The following TMCO4 variants were observed in gnomAD, a reference collection of about 807,000 sequenced individuals.
The protein encoded by TMCO4 is transmembrane and coiled-coil domains 4, also known as transmembrane and coiled-coil domain-containing protein 4.
Under a neutral mutation model 64.7 loss-of-function variants are expected in TMCO4, and 58 were observed. That is an observed-to-expected ratio of 0.90 (90% CI 0.73 to 1.12). The LOEUF is 1.12. Ranked by LOEUF, TMCO4 falls within the 50% of genes most tolerant of loss-of-function variation. The pLI is 0.00. For synonymous variants in TMCO4, 325 were observed against 346.1 expected (o/e 0.94, Z 0.68); for missense variants, 780 against 825.9 (o/e 0.94, Z 0.68).
intron 13 of TMCO4, among the ~76,000 whole-genome samples, chr1:19,713,367 T>A (rs915447511): frequency 2.6e-5 from 4 of 152,062 alleles, no homozygotes; most frequent in African/African-American, 9.7e-5. Flanking sequence ...TAGTTCAGGA[T>A]GAATCTTTCT....
At chr1:19,771,527 A>C in intron 4 of TMCO4, 45 bp from the exon 5 acceptor site, 3 of 1,593,592 alleles carry the variant, frequency 1.9e-6, no homozygotes, top group Non-Finnish European at 1.7e-6. Context: ...CTCAGAGCTC[A>C]GCCTCCACTG....
At chr1:19,790,921 A>G (rs1461847216) in intron 2 of TMCO4, among the ~76,000 whole-genome samples, 1 of 152,216 alleles carries the variant, frequency 6.6e-6, no homozygotes, top group Non-Finnish European at 1.5e-5. Flanking sequence ...ATGCCCATTG[A>G]TGATAGATTG....
chr1:19,682,847 C>T lies in TMCO4; in HGVS notation c.*193G>A. Reference sequence around the variant, plus strand: ...GGCTCCTCTGGGGACAGGCAGCTTCCCAAGGGTGGGCGTGTTCTCTCCTCC... The same window carrying T: ...GGCTCCTCTGGGGACAGGCAGCTTCTCAAGGGTGGGCGTGTTCTCTCCTCC... On this transcript the variant is annotated 3_prime_UTR_variant, in exon 16 of 16. Coordinates refer to ENST00000294543, the MANE Select transcript of TMCO4 (RefSeq NM_181719.7). 2 of 851,338 alleles carry T rather than the reference C, an allele frequency of 2.3e-6. No individual in the cohort carries two copies. The highest frequency in any genetic ancestry group is 3.8e-6 in the Non-Finnish European group (2 of 528,568). 52.7% of individuals were successfully genotyped at this position (851,338 alleles called of 1,614,324 possible).
rs1292171930 is a variant in TMCO4 at position 19,771,401 on chromosome 1, A to C, written c.261T>G (p.Phe87Leu). 1 of 1,614,056 alleles carries C rather than the reference A, an allele frequency of 6.2e-7. No individual in the cohort carries two copies. The highest frequency in any genetic ancestry group is 1.7e-5 in the Admixed American group (1 of 60,000). Residue 87 changes from phenylalanine (F) to leucine (L), a missense_variant, in exon 5 of 16, where the codon TTT (phenylalanine) becomes TTG (leucine). Phe to Leu is a conservative substitution (Grantham distance 22). Transcript: ENST00000294543. ...CTCCTTCACCTCCCAGGCCGCTCGC[A>C]AAAGCAGTCATGGTTGGCAAGACAG... ...SEAVLPTMTA[F>L]ASGLGGEGAD... is the part of the protein sequence containing the mutation.
chr1:19,777,898 A>G (rs2043282410), intron 4 of TMCO4, among the ~76,000 whole-genome samples: 1 of 152,172 alleles, frequency 6.6e-6, no homozygotes, highest in Non-Finnish European at 1.5e-5. Context: ...TTAGCCAGGC[A>G]TGGTGGCATG....
chr1:19,702,127 AC>A (rs977301744), intron 13 of TMCO4, among the ~76,000 whole-genome samples: 4 of 151,898 alleles, frequency 2.6e-5, no homozygotes, highest in African/African-American at 9.7e-5. Context: ...CCGCCACCAC[AC>A]CCGGCTAATC....
At position 19,751,047 on chromosome 1, in the gene TMCO4, G is replaced by A. The variant is rs1299791307; in HGVS notation, c.516-3787C>T. On this transcript the variant is annotated intron_variant, in intron 7 of 15. Coordinates refer to ENST00000294543, the MANE Select transcript of TMCO4 (RefSeq NM_181719.7). Reference sequence around the variant, plus strand: ...TATCGTTAACAAGTTCCTCCTCCAGGGATTCTGCTGTAACTCAAGTTTGAA... The same window carrying A: ...TATCGTTAACAAGTTCCTCCTCCAGAGATTCTGCTGTAACTCAAGTTTGAA... 2.6e-5 allele frequency among the ~76,000 whole-genome samples: 4 copies of A among 152,272 alleles called. No homozygotes were observed. In the South Asian group the frequency reaches 8.3e-4, roughly 32 times the overall value.
intron 13 of TMCO4, among the ~76,000 whole-genome samples, chr1:19,718,040 A>C (rs1299074631): frequency 1.3e-5 from 2 of 152,162 alleles, no homozygotes; most frequent in African/African-American, 4.8e-5. Context: ...CATTTTCAAA[A>C]GTGGAAAATG....
intron 3 of TMCO4, among the ~76,000 whole-genome samples, chr1:19,781,273 C>A (rs1371100158): frequency 2.0e-5 from 3 of 151,632 alleles, no homozygotes; most frequent in African/African-American, 7.3e-5. Context: ...CCAGCCTGGG[C>A]AACATAGTGA....
rs1428328428 is a variant in TMCO4 at position 19,743,515 on chromosome 1, T to A, written c.877+2017A>T. ...TTCTCTAGCTTGGTTGTATTTCTTTTACCCAGCCCTTTCCCTGAGTGTCCC... is the reference window on the plus strand; with the variant it reads ...TTCTCTAGCTTGGTTGTATTTCTTTAACCCAGCCCTTTCCCTGAGTGTCCC... On this transcript the variant is annotated intron_variant, in intron 10 of 15. Transcript: ENST00000294543. The surrounding 1 kb of genome is among the most constrained non-coding windows in gnomAD (Gnocchi z 4.1). Among the ~76,000 whole-genome samples, 2 of 152,210 alleles carry A rather than the reference T, an allele frequency of 1.3e-5. No individual in the cohort carries two copies. The highest frequency in any genetic ancestry group is 2.9e-5 in the Non-Finnish European group (2 of 68,036).
chr1:19,777,448 A>G (rs1286769275), intron 4 of TMCO4, among the ~76,000 whole-genome samples: 3 of 151,784 alleles, frequency 2.0e-5, no homozygotes. Context: ...CCCAGGTTCA[A>G]GTGATTCTTG....
At chr1:19,694,789 T>C (rs930732152) in intron 14 of TMCO4, among the ~76,000 whole-genome samples, 1 of 152,208 alleles carries the variant, frequency 6.6e-6, no homozygotes, top group South Asian at 2.1e-4. Context: ...GGTAGCTCCA[T>C]GAAGGCGGCC....
intron 4 of TMCO4, among the ~76,000 whole-genome samples, chr1:19,774,985 A>G (rs1408243306): frequency 6.6e-6 from 1 of 152,148 alleles, no homozygotes; most frequent in East Asian, 1.9e-4. Flanking sequence ...CGGGCCACTC[A>G]CTGAGCAAGG....
chr1:19,781,772 G>C (rs186805733), intron 3 of TMCO4, among the ~76,000 whole-genome samples: 1 of 150,634 alleles, frequency 6.6e-6, no homozygotes, highest in Non-Finnish European at 1.5e-5. Flanking sequence ...TCAGCCTCCC[G>C]CGTAGCTGGG....
chr1:19,683,011 G>A lies in TMCO4; in HGVS notation c.*29C>T, dbSNP rs2100491597. ...AAGAGAGAGCTGCATATGGAGACTG[G>A]GGAAGACGGCTCAGGTCCCCTGCTG... On this transcript the variant is annotated 3_prime_UTR_variant, in exon 16 of 16. Coordinates refer to ENST00000294543, the MANE Select transcript of TMCO4 (RefSeq NM_181719.7). 6.5e-7 allele frequency: 1 copy of A among 1,533,446 alleles called. No individual in the cohort carries two copies. The highest frequency in any genetic ancestry group is 8.7e-7 in the Non-Finnish European group (1 of 1,144,234). 95.0% of individuals were successfully genotyped at this position (1,533,446 alleles called of 1,614,324 possible).
chr1:19,757,638 TG>T (rs1403260034), intron 6 of TMCO4, among the ~76,000 whole-genome samples: 1 of 152,158 alleles, frequency 6.6e-6, no homozygotes, highest in Non-Finnish European at 1.5e-5. Context: ...GAACCCTCTC[TG>T]CATCACTCCT....
chr1:19,701,131 C>A (rs1379719343), intron 13 of TMCO4: 3 of 355,642 alleles, frequency 8.4e-6, no homozygotes, highest in Non-Finnish European at 1.5e-5. Context: ...CTAATCTATT[C>A]CTTCAAAGGA....
intron 6 of TMCO4, among the ~76,000 whole-genome samples, chr1:19,757,302 T>C (rs2042307113): frequency 6.6e-6 from 1 of 152,102 alleles, no homozygotes. Flanking sequence ...GAGAATCTGT[T>C]TTCTTGCTTT....
intron 10 of TMCO4, 50 bp from the exon 11 acceptor site, chr1:19,740,991 G>C: frequency 6.5e-7 from 1 of 1,533,698 alleles, no homozygotes; most frequent in Non-Finnish European, 8.8e-7. Context: ...GGCAGAGGAT[G>C]CCCCACCCCA....
Sources: allele counts gnomAD v4.1 joint callset (sites outside exome capture counted in the v4.1 genomes callset), GRCh38; gene constraint gnomAD v4.1.1; non-coding constraint Gnocchi (gnomAD v3.1); transcripts MANE v1.5; gene names NCBI Gene and HGNC (gene_info 2026-07-23, HGNC 2026-07-21).